TUFM: variants seen among roughly 807,000 people sequenced by gnomAD.
TUFM encodes the protein Tu translation elongation factor, mitochondrial, also known as elongation factor Tu, mitochondrial.
In TUFM, 23 loss-of-function variants were observed where a neutral mutation model predicts 45.0. The observed-to-expected ratio is 0.51, with a 90% CI of 0.37 to 0.72. The LOEUF (loss-of-function observed/expected upper bound fraction) is 0.72, where lower values mean the gene tolerates loss of function less well. Ranked by LOEUF, TUFM falls within the 30% of genes least tolerant of loss-of-function variation. The pLI, the probability that TUFM is intolerant of heterozygous loss-of-function variation, is 0.00. For synonymous variants in TUFM, 243 were observed against 252.9 expected (o/e 0.96, Z 0.37); for missense variants, 490 against 610.7 (o/e 0.80, Z 2.08).
chr16:28,842,848 G>A lies in TUFM; in HGVS notation c.*127C>T. The A allele has an allele frequency of 7.9e-7, 1 of 1,273,270 alleles. No homozygotes were observed. Among genetic ancestry groups the A allele is most frequent in the Admixed American group, 1.7e-5 (1 of 59,452 alleles). 78.9% of individuals were successfully genotyped at this position (1,273,270 alleles called of 1,614,324 possible). On this transcript the variant is annotated 3_prime_UTR_variant, in exon 10 of 10. Transcript: ENST00000313511. ...AGGCAGGCCAACCCTTCCGAGCAGG[G>A]GAAATGTCCATCTAGCTGCCCTCTG...
At position 28,844,167 on chromosome 16, in the gene TUFM, G is replaced by T; in HGVS notation, c.922+63C>A. On this transcript the variant is annotated intron_variant, in intron 7 of 9. Transcript: ENST00000313511. The surrounding 1 kb of genome is among the most constrained non-coding windows in gnomAD (Gnocchi z 5.8). ...AATGTGAGACAGAGGGAAGGCACAA[G>T]GGATCTGCCGGGGTAAGGCCACCCT... The T allele has an allele frequency of 1.2e-6, 2 of 1,613,614 alleles. No homozygotes were observed. The highest frequency in any genetic ancestry group is 3.3e-5 in the Admixed American group (2 of 60,016).
At chr16:28,845,567 A>C in intron 2 of TUFM, 87 bp from the exon 3 acceptor site, 1 of 1,491,384 alleles carries the variant, frequency 6.7e-7, no homozygotes, top group Non-Finnish European at 9.3e-7. Flanking sequence ...CTCCCACCTA[A>C]ATACATAACC....
chr16:28,845,777 A>T (rs577353713), intron 2 of TUFM, 135 bp downstream of exon 2: 44 of 1,128,520 alleles, frequency 3.9e-5, no homozygotes, highest in Non-Finnish European at 5.6e-5. Flanking sequence ...TGCATCTCCC[A>T]ATCCACCTGT....
chr16:28,845,080 A>C (rs1433980795), intron 3 of TUFM, 25 bp from the exon 4 acceptor site: 1 of 1,612,230 alleles, frequency 6.2e-7, no homozygotes, highest in African/African-American at 1.3e-5. Context: ...GAAAGGAAAC[A>C]GCCAAGTTCA....
At position 28,844,214 on chromosome 16, in the gene TUFM, G is replaced by A. The variant is rs147943043; in HGVS notation, c.922+16C>T. ...CCCTTCAGCCAGGCCCTGCTCTCCA[G>A]ACTGGCTTCCCAAACCTGTCACCAC... On this transcript the variant is annotated intron_variant, in intron 7 of 9. Transcript: ENST00000313511. The surrounding 1 kb of genome is among the most constrained non-coding windows in gnomAD (Gnocchi z 5.8). The A allele has an allele frequency of 2.3e-4, 373 of 1,614,062 alleles. No individual in the cohort carries two copies. The African/African-American group carries it at 4.3e-3, about 19-fold the overall frequency.
At chr16:28,843,272 G>GT (rs1961847140) in intron 9 of TUFM, 124 bp from the exon 10 acceptor site, 1 of 1,020,686 alleles carries the variant, frequency 9.8e-7, no homozygotes, top group Admixed American at 2.0e-5. Context: ...TCTGCCTGGG[G>GT]ACAGCTTCAT....
rs527678767 is a variant in TUFM at position 28,842,542 on chromosome 16, A to G, written c.*433T>C. The G allele has an allele frequency of 5.5e-5, 14 of 254,052 alleles. No homozygotes were observed. The South Asian group carries it at 6.5e-4, about 12-fold the overall frequency. 15.7% of individuals were successfully genotyped at this position (254,052 alleles called of 1,614,324 possible). A position where few individuals can be genotyped will look rare whatever the true frequency, so the allele number is the denominator to read the frequency against. On this transcript the variant is annotated 3_prime_UTR_variant, in exon 10 of 10. Transcript: ENST00000313511. ...TCACTTAGTATTCCGAGGAAACAAG[A>G]TGGGTTTGGCACCTGAGCTGAAGCC...
At position 28,842,957 on chromosome 16, in the gene TUFM, G is replaced by A. The variant is rs757770137; in HGVS notation, c.*18C>T. ...GCAGGCCTTAAACGCAAGGGAAGCTGAGCAGAGATCTGCACACTCAACCCC... is the reference window on the plus strand; with the variant it reads ...GCAGGCCTTAAACGCAAGGGAAGCTAAGCAGAGATCTGCACACTCAACCCC... On this transcript the variant is annotated 3_prime_UTR_variant, in exon 10 of 10. Coordinates refer to ENST00000313511, the MANE Select transcript of TUFM (RefSeq NM_003321.5). 25 of 1,613,680 alleles carry A rather than the reference G, an allele frequency of 1.5e-5. No individual in the cohort carries two copies. The highest frequency in any genetic ancestry group is 2.0e-5 in the Non-Finnish European group (24 of 1,179,984).
chr16:28,843,152 G>C lies in TUFM; in HGVS notation c.1195-4C>G. 6.2e-7 allele frequency: 1 copy of C among 1,614,184 alleles called. No individual in the cohort carries two copies. The highest frequency in any genetic ancestry group is 8.5e-7 in the Non-Finnish European group (1 of 1,180,030). ...CCTCCCCGGGCATGGCAAGCTCCTAGAGTAGGAAGAGAAGGATCATGCGTG... is the reference window on the plus strand; with the variant it reads ...CCTCCCCGGGCATGGCAAGCTCCTACAGTAGGAAGAGAAGGATCATGCGTG... On this transcript the variant is annotated splice_region_variant and splice_polypyrimidine_tract_variant and intron_variant, in intron 9 of 9. Transcript: ENST00000313511.
In TUFM at chr16:28,842,757, C is replaced by T. The variant is rs1276196498; in HGVS notation, c.*218G>A. On this transcript the variant is annotated 3_prime_UTR_variant, in exon 10 of 10. Transcript: ENST00000313511. ...CCTTTTTGTCCTCCCCTATCCTCTC[C>T]AATTTGCACAAAGGACACAGGACAC... The T allele has an allele frequency of 4.7e-6, 3 of 633,062 alleles. No homozygotes were observed. Among genetic ancestry groups the T allele is most frequent in the East Asian group, 2.8e-5 (1 of 35,480 alleles). 39.2% of individuals were successfully genotyped at this position (633,062 alleles called of 1,614,324 possible). A position where few individuals can be genotyped will look rare whatever the true frequency, so the allele number is the denominator to read the frequency against.
chr16:28,844,664 C>G lies in TUFM; in HGVS notation c.684+34G>C, dbSNP rs774485073. 2.1e-5 allele frequency: 34 copies of G among 1,614,050 alleles called. No individual in the cohort carries two copies. The highest frequency in any genetic ancestry group is 2.6e-5 in the Non-Finnish European group (31 of 1,180,046). Reference sequence around the variant, plus strand: ...CTGGGTGCCCATCCAGCCCCACCCTCTGCAGCAGCTGCCCTGCCTGACCCC... The same window carrying G: ...CTGGGTGCCCATCCAGCCCCACCCTGTGCAGCAGCTGCCCTGCCTGACCCC... On this transcript the variant is annotated intron_variant, in intron 5 of 9. Transcript: ENST00000313511. This position sits in a 1 kb window ranked among gnomAD's most constrained non-coding sequence, Gnocchi z 5.8.
chr16:28,844,369 G>C lies in TUFM; in HGVS notation c.818-35C>G, dbSNP rs770777126. On this transcript the variant is annotated intron_variant, in intron 6 of 9. Transcript: ENST00000313511. This position sits in a 1 kb window ranked among gnomAD's most constrained non-coding sequence, Gnocchi z 5.8. ...AATAAGACAGGATATCAGGGACCCC[G>C]AGCTAGGCTTCTGCTAGAGAGAGTG... The C allele has an allele frequency of 6.2e-7, 1 of 1,614,176 alleles. No individual in the cohort carries two copies. Among genetic ancestry groups the C allele is most frequent in the Non-Finnish European group, 8.5e-7 (1 of 1,180,024 alleles).
rs571337265 is a variant in TUFM, at chr16:28,842,503, T to C, written c.*472A>G. On this transcript the variant is annotated 3_prime_UTR_variant, in exon 10 of 10. Coordinates refer to ENST00000313511, the MANE Select transcript of TUFM (RefSeq NM_003321.5). ...AGTCCCTGTTCCCACAGAATGTGAA[T>C]GGATGCTAGACATTCACTTAGTATT... is the stretch of plus-strand genomic sequence containing the variant. 9.1e-5 allele frequency: 21 copies of C among 229,814 alleles called. No homozygotes were observed. Among genetic ancestry groups the C allele is most frequent in the African/African-American group, 4.6e-4 (20 of 43,802 alleles). The allele number at this position is 229,814 out of a possible 1,614,324, so 14.2% of individuals were successfully genotyped here. A position where few individuals can be genotyped will look rare whatever the true frequency, so the allele number is the denominator to read the frequency against.
chr16:28,843,781 G>A lies in TUFM; in HGVS notation c.1149C>T (p.Ser383=). The change falls in exon 9 of 10, where the codon TCC becomes TCT. Residue 383 remains serine (S), a synonymous_variant. Coordinates refer to ENST00000313511, the MANE Select transcript of TUFM (RefSeq NM_003321.5). ...TCCGACAGGCCATGTCCCAAGTCAG[G>A]GAGAACATGACAGGCATGAAGTGGG... ...FVSHFMPVMF[S]LTWDMACRII... The A allele has an allele frequency of 6.2e-7, 1 of 1,613,918 alleles. No individual in the cohort carries two copies. The highest frequency in any genetic ancestry group is 8.5e-7 in the Non-Finnish European group (1 of 1,180,020).
At chr16:28,846,197 T>C in intron 1 of TUFM, 21 bp downstream of exon 1, 2 of 1,583,736 alleles carry the variant, frequency 1.3e-6, no homozygotes, top group Non-Finnish European at 1.7e-6. Context: ...TGGGCCGCCA[T>C]CGCCCTCCCT....
In TUFM at chr16:28,845,881, G is replaced by A. The variant is rs752172756; in HGVS notation, c.247+31C>T. On this transcript the variant is annotated intron_variant, in intron 2 of 9. Transcript: ENST00000313511. ...TGGCTCCAGGTCCCATCAGTAGATA[G>A]GGCGCTGCTGGACGCCCCAACCCCA... 8 of 1,611,358 alleles carry A rather than the reference G, an allele frequency of 5.0e-6. No homozygotes were observed. In the African/African-American group the frequency reaches 6.7e-5, roughly 13 times the overall value.
Position 28,844,724 on chromosome 16 carries a change from C to G in TUFM, c.658G>C (p.Val220Leu). 6.2e-7 allele frequency: 1 copy of G among 1,614,180 alleles called. No homozygotes were observed. Among genetic ancestry groups the G allele is most frequent in the Non-Finnish European group, 8.5e-7 (1 of 1,180,008 alleles). The change falls in exon 5 of 10, where the codon GTA becomes CTA. Residue 220 changes from valine (V) to leucine (L), a missense_variant. Physicochemically the swap from Val to Leu is conservative, Grantham distance 32. Transcript: ENST00000313511. This position sits in a 1 kb window ranked among gnomAD's most constrained non-coding sequence, Gnocchi z 5.8. Reference sequence around the variant, plus strand: ...TCAAGGGCACAGAGAGCAGAGCCTACGATGACTGGGGTCTCCTCCCCTTTA... The same window carrying G: ...TCAAGGGCACAGAGAGCAGAGCCTAGGATGACTGGGGTCTCCTCCCCTTTA... Reference protein sequence around the residue: ...GYKGEETPVIVGSALCALEGR... With the variant: ...GYKGEETPVILGSALCALEGR...
In TUFM at chr16:28,842,910, G is replaced by A. The variant is rs754579415; in HGVS notation, c.*65C>T. On this transcript the variant is annotated 3_prime_UTR_variant, in exon 10 of 10. Coordinates refer to ENST00000313511, the MANE Select transcript of TUFM (RefSeq NM_003321.5). ...CCTATGCCATGAGAGGGTACTGGAA[G>A]CAGGAGGGAGCCCTGGCTAGGGCAG... The A allele has an allele frequency of 8.8e-6, 14 of 1,598,424 alleles. No individual in the cohort carries two copies. The highest frequency in any genetic ancestry group is 1.2e-5 in the Non-Finnish European group (14 of 1,167,866).
chr16:28,845,055 T>G lies in TUFM; in HGVS notation c.415A>C (p.Asn139His), dbSNP rs1961902118. ...AGGGGTGCAGTGCCTGTGATCATAT[T>G]CTGGAGAGGAGAAGGAAAGGAAACA... is the stretch of plus-strand genomic sequence containing the variant. ...DCPGHADYVKNMITGTAPLDG... is the reference protein window; with the variant it reads ...DCPGHADYVKHMITGTAPLDG... The change falls in exon 4 of 10, where the codon AAT becomes CAT. Residue 139 changes from asparagine (N) to histidine (H), a missense_variant and splice_region_variant. Transcript: ENST00000313511. 1 of 1,613,984 alleles carries G rather than the reference T, an allele frequency of 6.2e-7. No individual in the cohort carries two copies. The highest frequency in any genetic ancestry group is 8.5e-7 in the Non-Finnish European group (1 of 1,180,026).
Sources: gnomAD v4.1 joint callset for allele counts on GRCh38, gnomAD v4.1.1 for gene constraint, Gnocchi (gnomAD v3.1) non-coding constraint, MANE v1.5 for transcripts, NCBI Gene and HGNC (gene_info 2026-07-23, HGNC 2026-07-21) for gene names.